The following FER variants were observed in gnomAD, a reference collection of about 807,000 sequenced individuals.
FER encodes tyrosine-protein kinase Fer.
In FER, 63 loss-of-function variants were observed where a neutral mutation model predicts 111.0. The observed-to-expected ratio is 0.57, with a 90% confidence interval of 0.46 to 0.70. The LOEUF is 0.70. Ranked by LOEUF, FER falls within the 30% of genes least tolerant of loss-of-function variation. FER has a pLI of 0.00. For missense variants in FER, 914 were observed against 954.0 expected (o/e 0.96, Z 0.55); for synonymous variants, 327 against 313.9 (o/e 1.04, Z -0.44).
At position 108,865,994 on chromosome 5, in the gene FER, T is replaced by A. The variant is rs576100045; in HGVS notation, c.482-1773T>A. Among the ~76,000 whole-genome samples the A allele has an allele frequency of 2.0e-5, 3 of 152,312 alleles. No individual in the cohort carries two copies. In the South Asian group the frequency reaches 6.2e-4, roughly 32 times the overall value. ...CACTTTTACACTGTTGGTGGGACTGTAAACAAGTTCAACCATTGTGGAAGT... is the reference window on the plus strand; with the variant it reads ...CACTTTTACACTGTTGGTGGGACTGAAAACAAGTTCAACCATTGTGGAAGT... On this transcript the variant is annotated intron_variant, in intron 5 of 19. Coordinates refer to ENST00000281092, the MANE Select transcript of FER (RefSeq NM_005246.4).
chr5:108,883,888 C>T (rs1765919440), intron 9 of FER, among the ~76,000 whole-genome samples: 2 of 151,896 alleles, frequency 1.3e-5, no homozygotes, highest in Non-Finnish European at 2.9e-5. Flanking sequence ...CCAATATTAC[C>T]TATAAATAGT....
intron 16 of FER, among the ~76,000 whole-genome samples, chr5:109,053,783 T>C (rs374138160): frequency 1.3e-5 from 2 of 148,604 alleles, no homozygotes; most frequent in Non-Finnish European, 3.0e-5. Context: ...CTCCGCCTCC[T>C]GGGTTCACGC....
chr5:108,929,010 T>C (rs1754182795), intron 10 of FER, among the ~76,000 whole-genome samples: 1 of 152,160 alleles, frequency 6.6e-6, no homozygotes, highest in African/African-American at 2.4e-5. Context: ...TAAATATATC[T>C]GTAGGGATAT....
chr5:108,971,089 A>G (rs1444975732), intron 13 of FER, among the ~76,000 whole-genome samples: 2 of 152,018 alleles, frequency 1.3e-5, no homozygotes, highest in Admixed American at 6.6e-5. Flanking sequence ...TCATTGGCAC[A>G]CTTAACAGAA....
chr5:108,790,794 TAACA>T (rs1225698090), intron 2 of FER, among the ~76,000 whole-genome samples: 1 of 152,230 alleles, frequency 6.6e-6, no homozygotes, highest in Non-Finnish European at 1.5e-5. Context: ...CAGCACCCAC[TAACA>T]GTCATTCCTA....
intron 13 of FER, among the ~76,000 whole-genome samples, chr5:108,969,434 T>C (rs1742967332): frequency 6.6e-6 from 1 of 152,140 alleles, no homozygotes; most frequent in South Asian, 2.1e-4. Context: ...GTTATGTTGT[T>C]ACCTTTTATA....
intron 10 of FER, among the ~76,000 whole-genome samples, chr5:108,934,415 T>G (rs770530441): frequency 1.1e-4 from 17 of 152,156 alleles, no homozygotes; most frequent in Admixed American, 2.0e-4. Flanking sequence ...TGTGATAGAA[T>G]AAAAATTATG....
chr5:108,856,463 A>G (rs772355388), intron 5 of FER, among the ~76,000 whole-genome samples: 10 of 152,178 alleles, frequency 6.6e-5, no homozygotes, highest in Admixed American at 2.0e-4. Context: ...AACTTATTAG[A>G]TACCTTTCGT....
At chr5:109,105,469 A>C (rs1748795551) in intron 17 of FER, among the ~76,000 whole-genome samples, 1 of 152,166 alleles carries the variant, frequency 6.6e-6, no homozygotes, top group Non-Finnish European at 1.5e-5. Context: ...AAATCATTTA[A>C]ATGGTAAAAT....
intron 17 of FER, among the ~76,000 whole-genome samples, chr5:109,166,923 A>C (rs141707930): frequency 3.3e-5 from 5 of 152,114 alleles, no homozygotes; most frequent in Admixed American, 3.3e-4. Context: ...ACTTCATACC[A>C]TCACTTCTAC....
intron 3 of FER, among the ~76,000 whole-genome samples, chr5:108,815,822 T>C (rs987354982): frequency 6.6e-6 from 1 of 152,198 alleles, no homozygotes; most frequent in Non-Finnish European, 1.5e-5. Context: ...ACATATATAA[T>C]GTAACTTGAG....
intron 10 of FER, among the ~76,000 whole-genome samples, chr5:108,901,891 C>T (rs1180131304): frequency 1.3e-5 from 2 of 152,182 alleles, no homozygotes; most frequent in African/African-American, 2.4e-5. Context: ...TTTGAGACTG[C>T]AGTGTTCCAC....
chr5:108,797,130 GT>G (rs1036019883), intron 2 of FER, among the ~76,000 whole-genome samples: 3 of 151,602 alleles, frequency 2.0e-5, no homozygotes, highest in East Asian at 2.0e-4. Context: ...AGGCAGCGGG[GT>G]TTTTTTTGGC....
intron 16 of FER, among the ~76,000 whole-genome samples, chr5:109,053,387 A>G (rs1773124194): frequency 6.7e-6 from 1 of 149,786 alleles, no homozygotes; most frequent in Admixed American, 6.6e-5. Context: ...CGTCTCAAAA[A>G]AAAAAAAAAA....
Position 108,871,454 on chromosome 5 carries a change from A to G in FER, c.755A>G (p.Glu252Gly), listed in dbSNP as rs1351465946. ...CATAAAGAGATTCAAATGTCGGTTG[A>G]ACAGATAGATCCTAGTACAGAATAC... is the stretch of plus-strand genomic sequence containing the variant. ...NVHKEIQMSV[E>G]QIDPSTEYNN... is the part of the protein sequence containing the mutation. Residue 252 changes from glutamate (E) to glycine (G), a missense_variant, in exon 7 of 20, where the codon GAA becomes GGA. Transcript: ENST00000281092. 1 of 1,611,770 alleles carries G rather than the reference A, an allele frequency of 6.2e-7. No homozygotes were observed. The highest frequency in any genetic ancestry group is 8.5e-7 in the Non-Finnish European group (1 of 1,178,448).
intron 9 of FER, chr5:108,894,646 G>A (rs945416997): frequency 1.5e-5 from 4 of 270,932 alleles, no homozygotes; most frequent in Non-Finnish European, 2.9e-5. Context: ...CTGGTCCTGC[G>A]GGCTGGACCA....
chr5:108,802,751 A>G (rs1041115426), intron 3 of FER, among the ~76,000 whole-genome samples: 1 of 152,104 alleles, frequency 6.6e-6, no homozygotes, highest in Non-Finnish European at 1.5e-5. Flanking sequence ...TTCTTCACTC[A>G]GAGCGGTATC....
intron 13 of FER, among the ~76,000 whole-genome samples, chr5:109,028,747 G>C (rs925511527): frequency 6.6e-6 from 1 of 152,204 alleles, no homozygotes; most frequent in African/African-American, 2.4e-5. Context: ...CAAAAGCTAG[G>C]TCAAAAGAGG....
chr5:108,993,640 CG>C lies in FER; in HGVS notation c.1656+34294del, dbSNP rs201284873. 9.1e-3 allele frequency among the ~76,000 whole-genome samples: 1,013 copies of C among 111,192 alleles called. 3 individuals carry two copies. Among genetic ancestry groups the C allele is most frequent in the Middle Eastern group, 0.02 (4 of 198 alleles). The allele number at this position is 111,192 out of a possible 152,430, so 72.9% of individuals were successfully genotyped here. A position where few individuals can be genotyped will look rare whatever the true frequency, so the allele number is the denominator to read the frequency against. On this transcript the variant is annotated intron_variant, in intron 13 of 19. Transcript: ENST00000281092. ...GCAAGGGCGAGGGCGAGGGTGAGGG[CG>C]AGGGCGAGGGCGAGGGCGAGGGTGA...
Sources: gnomAD v4.1 joint callset for allele counts (sites outside exome capture counted in the v4.1 genomes callset) on GRCh38, gnomAD v4.1.1 for gene constraint, MANE v1.5 for transcripts, NCBI Gene and HGNC (gene_info 2026-07-23, HGNC 2026-07-21) for gene names.